Variants in AP3S2 observed in about 807,000 individuals in gnomAD.
AP3S2 encodes the protein AP-3 complex subunit sigma-2.
A neutral mutation model predicts 23.4 loss-of-function variants in AP3S2; 22 were observed. The ratio of observed to expected loss-of-function variants is 0.94; its 90% CI spans 0.67 to 1.34. AP3S2 has a LOEUF of 1.34. Ranked by LOEUF, AP3S2 falls within the 40% of genes most tolerant of loss-of-function variation. The pLI is 0.00. For missense variants in AP3S2, 241 were observed against 236.9 expected (o/e 1.02, Z -0.11); for synonymous variants, 86 against 87.1 (o/e 0.99, Z 0.07).
intron 4 of AP3S2, among the ~76,000 whole-genome samples, chr15:89,849,559 G>A (rs1895586738): frequency 6.6e-6 from 1 of 151,960 alleles, no homozygotes; most frequent in Non-Finnish European, 1.5e-5. Context: ...GTAGAGACGG[G>A]GGTTTCACTA....
chr15:89,888,014 C>T (rs1896739347), intron 3 of AP3S2, among the ~76,000 whole-genome samples: 1 of 152,148 alleles, frequency 6.6e-6, no homozygotes, highest in Non-Finnish European at 1.5e-5. Context: ...CATGTCTGGC[C>T]TGTTGTAAGC....
At chr15:89,871,723 G>A (rs1000851737) in intron 3 of AP3S2, among the ~76,000 whole-genome samples, 177 bp from the exon 4 acceptor site, 2 of 152,138 alleles carry the variant, frequency 1.3e-5, no homozygotes, top group African/African-American at 2.4e-5. Flanking sequence ...TACTTATCTC[G>A]ATTTAGAGGG....
intron 4 of AP3S2, among the ~76,000 whole-genome samples, chr15:89,857,359 T>C (rs940338355): frequency 2.6e-5 from 4 of 152,184 alleles, no homozygotes; most frequent in African/African-American, 9.7e-5. Flanking sequence ...TTTTTCCTAA[T>C]GAATGCTTAA....
chr15:89,890,061 GTATTAT>G (rs1413615053), intron 1 of AP3S2, among the ~76,000 whole-genome samples: 1 of 151,994 alleles, frequency 6.6e-6, no homozygotes, highest in African/African-American at 2.4e-5. Context: ...CAAATAAAAT[GTATTAT>G]TATTATTTTT....
In AP3S2 at chr15:89,831,656, G is replaced by A. The variant is rs1596180774; in HGVS notation, c.*3859C>T. On this transcript the variant is annotated 3_prime_UTR_variant, in exon 6 of 6. Transcript: ENST00000336418. ...CCTGGTGTCTTTTCTGGCGAAGCTG[G>A]GCCCAGAGAGCGTTTTACTAAGTGG... 4 of 152,428 alleles carry A rather than the reference G, an allele frequency of 2.6e-5. 1 individual carries two copies. The highest frequency in any genetic ancestry group is 2.6e-4 in the Admixed American group (4 of 15,306). 9.4% of individuals were successfully genotyped at this position (152,428 alleles called of 1,614,324 possible). A position where few individuals can be genotyped will look rare whatever the true frequency, so the allele number is the denominator to read the frequency against.
chr15:89,881,157 C>T (rs1896560875), intron 3 of AP3S2, among the ~76,000 whole-genome samples: 1 of 152,178 alleles, frequency 6.6e-6, no homozygotes, highest in Non-Finnish European at 1.5e-5. Flanking sequence ...CAAAAATGTA[C>T]TTGTGTTTGA....
At chr15:89,859,641 C>T (rs529868382) in intron 4 of AP3S2, among the ~76,000 whole-genome samples, 12 of 151,946 alleles carry the variant, frequency 7.9e-5, no homozygotes, top group African/African-American at 1.4e-4. Context: ...GTGAGCCACC[C>T]GCCTTGACCT....
At chr15:89,885,660 A>C (rs559415570) in intron 3 of AP3S2, among the ~76,000 whole-genome samples, 34 of 152,200 alleles carry the variant, frequency 2.2e-4, no homozygotes, top group Non-Finnish European at 4.6e-4. Flanking sequence ...TTCAAAGATC[A>C]GATGGGTCCA....
At chr15:89,871,869 G>C (rs1337297394) in intron 3 of AP3S2, among the ~76,000 whole-genome samples, 2 of 152,022 alleles carry the variant, frequency 1.3e-5, no homozygotes, top group Admixed American at 1.3e-4. Context: ...AGCACTTTGA[G>C]AGCCCAAGGC....
intron 4 of AP3S2, chr15:89,848,993 G>A (rs1000679175): frequency 6.6e-5 from 10 of 151,964 alleles, no homozygotes; most frequent in Non-Finnish European, 1.0e-4. Context: ...ATGTTTTATC[G>A]GTGTTTTAAG....
intron 4 of AP3S2, among the ~76,000 whole-genome samples, chr15:89,868,217 G>A (rs1896201252): frequency 1.8e-5 from 1 of 56,954 alleles, no homozygotes; most frequent in Admixed American, 1.4e-4. Flanking sequence ...GGGAGGTGGG[G>A]GGGTCAGCCC....
intron 3 of AP3S2, among the ~76,000 whole-genome samples, chr15:89,887,342 G>C (rs574741618): frequency 6.6e-6 from 1 of 152,018 alleles, no homozygotes; most frequent in South Asian, 2.1e-4. Flanking sequence ...AACAAATTTT[G>C]TTCTAAGCAT....
intron 4 of AP3S2, 79 bp downstream of exon 4, chr15:89,871,396 T>C: frequency 7.6e-7 from 1 of 1,312,084 alleles, no homozygotes; most frequent in Non-Finnish European, 1.1e-6. Flanking sequence ...AATATGAAGA[T>C]GTAGAGGTGG....
chr15:89,869,079 G>A (rs1393336754), intron 4 of AP3S2, among the ~76,000 whole-genome samples: 1 of 152,126 alleles, frequency 6.6e-6, no homozygotes, highest in East Asian at 1.9e-4. Context: ...GTGCCCAACA[G>A]CTCATTGAGA....
intron 2 of AP3S2, 34 bp from the exon 3 acceptor site, chr15:89,888,666 G>A (rs752336071): frequency 6.3e-7 from 1 of 1,595,454 alleles, no homozygotes; most frequent in South Asian, 1.1e-5. Flanking sequence ...AATGCCCACA[G>A]CTTAATTAAA....
At chr15:89,893,691 G>A in intron 1 of AP3S2, 190 bp downstream of exon 1, 1 of 585,588 alleles carries the variant, frequency 1.7e-6, no homozygotes, top group Non-Finnish European at 3.0e-6. Context: ...GAGCGGGGCA[G>A]TAGGGCGGGA....
chr15:89,876,814 T>C (rs1294627152), intron 3 of AP3S2: 2 of 154,558 alleles, frequency 1.3e-5, no homozygotes, highest in African/African-American at 4.8e-5. Context: ...AAACAAGAAA[T>C]AGCTCCAGTT....
intron 3 of AP3S2, among the ~76,000 whole-genome samples, chr15:89,873,209 G>A (rs1382843465): frequency 6.6e-6 from 1 of 151,786 alleles, no homozygotes; most frequent in Non-Finnish European, 1.5e-5. Flanking sequence ...ATTTTGTTGA[G>A]AATTCCCTCC....
chr15:89,861,290 T>C lies in AP3S2; in HGVS notation c.345+10185A>G, dbSNP rs117451940. On this transcript the variant is annotated intron_variant, in intron 4 of 5. Coordinates refer to ENST00000336418, the MANE Select transcript of AP3S2 (RefSeq NM_005829.5). ...TTTCAATTCTCTTGAGAGGGCCCAC[T>C]GCAAATTGAAATCTATTTAAAAAAA... Among the ~76,000 whole-genome samples the C allele has an allele frequency of 4.2e-4, 64 of 152,226 alleles. No individual in the cohort carries two copies. The East Asian group carries it at 0.012, about 29-fold the overall frequency.
Sources: gnomAD v4.1 joint callset for allele counts (sites outside exome capture counted in the v4.1 genomes callset) on GRCh38, gnomAD v4.1.1 for gene constraint, MANE v1.5 for transcripts, NCBI Gene and HGNC (gene_info 2026-07-23, HGNC 2026-07-21) for gene names.